EXT1: variants seen among roughly 807,000 people sequenced by gnomAD.
EXT1 encodes exostosin-1.
A neutral mutation model predicts 82.5 loss-of-function variants in EXT1; 20 were observed. The observed-to-expected ratio is 0.24, with a 90% CI of 0.17 to 0.35. The LOEUF (loss-of-function observed/expected upper bound fraction) is 0.35, where lower values mean the gene tolerates loss of function less well. Ranked by LOEUF, EXT1 falls within the 10% of genes least tolerant of loss-of-function variation. The probability of loss-of-function intolerance (pLI) is 1.00; values close to 1 mark genes in which losing one functional copy is unlikely to be tolerated. For missense variants in EXT1, 757 were observed against 936.5 expected (o/e 0.81, Z 2.50); for synonymous variants, 348 against 350.8 (o/e 0.99, Z 0.09).
rs143998199 is a variant in EXT1, at chr8:118,047,498, A to G, written c.962+62587T>C. 1.9e-3 allele frequency among the ~76,000 whole-genome samples: 295 copies of G among 152,324 alleles called. 2 individuals are homozygous for G. The highest frequency in any genetic ancestry group is 6.9e-3 in the African/African-American group (286 of 41,580). ...TAGCTACTTTTATCATCAAAGGTAC[A>G]GTGAGTTTACAATACTTGCCTCCCA... On this transcript the variant is annotated intron_variant, in intron 1 of 10. Coordinates refer to ENST00000378204, the MANE Select transcript of EXT1 (RefSeq NM_000127.3).
intron 1 of EXT1, among the ~76,000 whole-genome samples, chr8:117,838,366 C>T (rs1395636056): frequency 1.3e-5 from 2 of 152,106 alleles, no homozygotes; most frequent in East Asian, 3.9e-4. Flanking sequence ...TTTTTAAAGT[C>T]CACATCTATT....
intron 1 of EXT1, among the ~76,000 whole-genome samples, chr8:117,961,778 C>A (rs74550772): frequency 2.5e-4 from 38 of 152,316 alleles, no homozygotes; most frequent in Non-Finnish European, 2.8e-4. Flanking sequence ...ACAACATGCA[C>A]ACAGAACAAA....
intron 10 of EXT1, among the ~76,000 whole-genome samples, chr8:117,802,316 A>C (rs1178480023): frequency 6.6e-6 from 1 of 152,224 alleles, no homozygotes; most frequent in East Asian, 1.9e-4. Context: ...TCTGAGTAAA[A>C]AAATATTTTT....
chr8:117,896,943 C>T (rs1243498166), intron 1 of EXT1, among the ~76,000 whole-genome samples: 1 of 152,146 alleles, frequency 6.6e-6, no homozygotes, highest in Non-Finnish European at 1.5e-5. Context: ...GGTCCCAGCC[C>T]CCCAGCCTCT....
rs556106468 is a variant in EXT1 at position 117,794,638 on chromosome 8, A to G, written c.*5074T>C. 3.3e-5 allele frequency: 5 copies of G among 152,308 alleles called. No individual in the cohort carries two copies. The South Asian group carries it at 6.2e-4, about 19-fold the overall frequency. 9.4% of individuals were successfully genotyped at this position (152,308 alleles called of 1,614,324 possible). On this transcript the variant is annotated 3_prime_UTR_variant, in exon 11 of 11. Coordinates refer to ENST00000378204, the MANE Select transcript of EXT1 (RefSeq NM_000127.3). Reference sequence around the variant, plus strand: ...TTACACAGGTCAGTGAAGTAAATCAATATCTATGGCTTTGTATTTTCTCAC... The same window carrying G: ...TTACACAGGTCAGTGAAGTAAATCAGTATCTATGGCTTTGTATTTTCTCAC...
chr8:117,829,596 G>T (rs1480740554), intron 4 of EXT1, among the ~76,000 whole-genome samples: 3 of 92,576 alleles, frequency 3.2e-5, no homozygotes, highest in African/African-American at 1.0e-4. Context: ...TTTTTGAGGT[G>T]GAGTTTTGCT....
intron 1 of EXT1, among the ~76,000 whole-genome samples, chr8:117,908,396 G>A (rs1184902676): frequency 1.3e-5 from 2 of 152,186 alleles, no homozygotes; most frequent in South Asian, 2.1e-4. Flanking sequence ...TTGGGAGGCT[G>A]AGGCAGGAAG....
chr8:117,875,310 A>C (rs1168945286), intron 1 of EXT1, among the ~76,000 whole-genome samples: 1 of 152,008 alleles, frequency 6.6e-6, no homozygotes, highest in Non-Finnish European at 1.5e-5. Context: ...AATCCCAGAT[A>C]CTCGGGAGGC....
At chr8:117,995,039 A>T (rs1476429352) in intron 1 of EXT1, among the ~76,000 whole-genome samples, 2 of 152,210 alleles carry the variant, frequency 1.3e-5, no homozygotes, top group Non-Finnish European at 2.9e-5. Context: ...CACGAAGACA[A>T]ACTGAGAGAG....
At chr8:117,919,398 C>G (rs1250451770) in intron 1 of EXT1, among the ~76,000 whole-genome samples, 1 of 151,964 alleles carries the variant, frequency 6.6e-6, no homozygotes, top group Non-Finnish European at 1.5e-5. Context: ...CTGTGTTGCC[C>G]AGGCTGGTCT....
At chr8:117,953,766 T>C (rs1449609545) in intron 1 of EXT1, among the ~76,000 whole-genome samples, 1 of 151,936 alleles carries the variant, frequency 6.6e-6, no homozygotes, top group Non-Finnish European at 1.5e-5. Flanking sequence ...ACATACAATG[T>C]ATTAACAAAT....
At chr8:118,068,921 C>T (rs78820989) in intron 1 of EXT1, among the ~76,000 whole-genome samples, 3,420 of 152,236 alleles carry the variant, frequency 0.022, 111 homozygotes, top group African/African-American at 0.078. Flanking sequence ...GCCTAAGCTG[C>T]AAGAAGCTTT....
intron 1 of EXT1, among the ~76,000 whole-genome samples, chr8:117,972,670 A>G (rs896973746): frequency 6.6e-6 from 1 of 152,228 alleles, no homozygotes; most frequent in African/African-American, 2.4e-5. Context: ...TAATTTACGA[A>G]GGGAAAGGGT....
chr8:118,030,586 A>AT (rs1282205832), intron 1 of EXT1, among the ~76,000 whole-genome samples: 3 of 152,160 alleles, frequency 2.0e-5, no homozygotes, highest in African/African-American at 7.2e-5. Flanking sequence ...GGTTCAAGTG[A>AT]TTCTCCTGGC....
At chr8:118,109,024 TGTAA>T (rs1287863525) in intron 1 of EXT1, among the ~76,000 whole-genome samples, 2 of 152,192 alleles carry the variant, frequency 1.3e-5, no homozygotes, top group African/African-American at 2.4e-5. Context: ...CACAGCCAGA[TGTAA>T]GTGAGAGTCT....
intron 3 of EXT1, among the ~76,000 whole-genome samples, chr8:117,830,894 A>G (rs998064493): frequency 1.3e-5 from 2 of 152,048 alleles, no homozygotes; most frequent in Non-Finnish European, 2.9e-5. Context: ...TCTGCTCCCT[A>G]TATCTCTCTT....
intron 5 of EXT1, 101 bp downstream of exon 5, chr8:117,822,364 G>T (rs991557168): frequency 1.5e-6 from 2 of 1,294,274 alleles, no homozygotes; most frequent in Non-Finnish European, 2.2e-6. Context: ...TCAATGCAGG[G>T]TGTTAGATGG....
intron 1 of EXT1, among the ~76,000 whole-genome samples, chr8:118,087,234 CTGAGA>C (rs1313578622): frequency 6.6e-6 from 1 of 152,008 alleles, no homozygotes; most frequent in East Asian, 1.9e-4. Context: ...ATTTTTTTTC[CTGAGA>C]TAAGAATATT....
chr8:117,954,277 A>G (rs1174473777), intron 1 of EXT1, among the ~76,000 whole-genome samples: 1 of 152,220 alleles, frequency 6.6e-6, no homozygotes, highest in Admixed American at 6.5e-5. Context: ...ACAGAGAAGC[A>G]GAGAGGAAGT....
Sources: allele counts gnomAD v4.1 joint callset (sites outside exome capture counted in the v4.1 genomes callset), GRCh38; gene constraint gnomAD v4.1.1; transcripts MANE v1.5; gene names NCBI Gene and HGNC (gene_info 2026-07-23, HGNC 2026-07-21).